NDST4: variants seen among roughly 807,000 people sequenced by gnomAD.
The protein encoded by NDST4 is N-deacetylase and N-sulfotransferase 4.
A neutral mutation model predicts 100.8 loss-of-function variants in NDST4; 63 were observed. The observed-to-expected ratio is 0.62, with a 90% CI of 0.51 to 0.77. The LOEUF (loss-of-function observed/expected upper bound fraction) is 0.77. Ranked by LOEUF, NDST4 falls within the 30% of genes least tolerant of loss-of-function variation. NDST4 has a pLI of 0.00. For missense variants in NDST4, 943 were observed against 1,018.4 expected (o/e 0.93, Z 1.01); for synonymous variants, 377 against 361.8 (o/e 1.04, Z -0.48).
intron 1 of NDST4, among the ~76,000 whole-genome samples, chr4:115,103,119 G>T (rs143192287): frequency 6.6e-6 from 1 of 152,042 alleles, no homozygotes; most frequent in Non-Finnish European, 1.5e-5. Flanking sequence ...TTACAGAAAG[G>T]TCTAGCAAGA....
intron 2 of NDST4, among the ~76,000 whole-genome samples, chr4:114,979,363 C>A (rs938719730): frequency 6.7e-6 from 1 of 150,054 alleles, no homozygotes; most frequent in Non-Finnish European, 1.5e-5. Flanking sequence ...CTCCATCAAA[C>A]CTTATTCATT....
intron 6 of NDST4, among the ~76,000 whole-genome samples, chr4:114,886,629 G>A (rs1165902138): frequency 6.6e-6 from 1 of 152,020 alleles, no homozygotes; most frequent in East Asian, 1.9e-4. Context: ...AAAAAGTTCT[G>A]TTTACAGTTT....
chr4:115,011,821 TG>T (rs1179846386), intron 2 of NDST4, among the ~76,000 whole-genome samples: 3 of 151,984 alleles, frequency 2.0e-5, no homozygotes, highest in Non-Finnish European at 4.4e-5. Flanking sequence ...GCATATTTAT[TG>T]TACAATAGTT....
rs934297032 is a variant in NDST4 at position 115,085,073 on chromosome 4, G to A, written c.-246-7791C>T. 2.0e-5 allele frequency among the ~76,000 whole-genome samples: 3 copies of A among 152,208 alleles called. No individual in the cohort carries two copies. In the South Asian group the frequency reaches 6.2e-4, roughly 31 times the overall value. ...CAGGGGTGGAGCTCCCCAAGGCCAT[G>A]GGAGCCCACCTCTTGCGTCAGCATG... On this transcript the variant is annotated intron_variant, in intron 1 of 13. Coordinates refer to ENST00000264363, the MANE Select transcript of NDST4 (RefSeq NM_022569.3).
intron 6 of NDST4, among the ~76,000 whole-genome samples, chr4:114,899,450 T>G (rs1330698376): frequency 6.6e-6 from 1 of 152,154 alleles, no homozygotes; most frequent in Non-Finnish European, 1.5e-5. Context: ...ATGCTGGGAT[T>G]ACAAGCGTGA....
At position 114,839,480 on chromosome 4, in the gene NDST4, A is replaced by T. The variant is rs762985652; in HGVS notation, c.2184T>A (p.His728Gln). ...AAGTTTTTAAGTCAGATGGAGCCCAATGTCCTGTTGAAATAACTTCATAGA... is the reference window on the plus strand; with the variant it reads ...AAGTTTTTAAGTCAGATGGAGCCCATTGTCCTGTTGAAATAACTTCATAGA... ...FNFYEVISTG[H>Q]WAPSDLKTLQ... Residue 728 changes from histidine (H) to glutamine (Q), a missense_variant, in exon 11 of 14, where the codon CAT becomes CAA. His to Gln is a conservative substitution (Grantham distance 24, BLOSUM62 0). Coordinates refer to ENST00000264363, the MANE Select transcript of NDST4 (RefSeq NM_022569.3). 1.2e-6 allele frequency: 2 copies of T among 1,614,022 alleles called. No homozygotes were observed. Among genetic ancestry groups the T allele is most frequent in the Non-Finnish European group, 1.7e-6 (2 of 1,179,940 alleles).
At chr4:115,091,945 A>G (rs1314875515) in intron 1 of NDST4, among the ~76,000 whole-genome samples, 2 of 152,116 alleles carry the variant, frequency 1.3e-5, no homozygotes, top group Admixed American at 1.3e-4. Context: ...AAATAACACT[A>G]TAATATAAGA....
At chr4:114,849,111 CAA>C (rs1202759036) in intron 8 of NDST4, among the ~76,000 whole-genome samples, 1 of 152,190 alleles carries the variant, frequency 6.6e-6, no homozygotes, top group Non-Finnish European at 1.5e-5. Context: ...CAAAATATGA[CAA>C]GTCTGATAAT....
In NDST4 at chr4:114,916,576, GTGTGTGTT is replaced by G. The variant is rs1354510486; in HGVS notation, c.1536+18622_1536+18629del. On this transcript the variant is annotated intron_variant, in intron 6 of 13. Transcript: ENST00000264363. ...TGTGTGTGTGTGTGTGTGTGTGTGT[GTGTGTGTT>G]TGTGTGTATGTGTGTGTGTGTGGCA... Among the ~76,000 whole-genome samples, 12 of 136,668 alleles carry G rather than the reference GTGTGTGTT, an allele frequency of 8.8e-5. No individual in the cohort carries two copies. In the South Asian group the frequency reaches 1.3e-3, roughly 15 times the overall value. The allele number at this position is 136,668 out of a possible 152,430, so 89.7% of individuals were successfully genotyped here. A position where few individuals can be genotyped will look rare whatever the true frequency, so the allele number is the denominator to read the frequency against.
chr4:115,101,226 G>A (rs1347216536), intron 1 of NDST4, among the ~76,000 whole-genome samples: 3 of 152,134 alleles, frequency 2.0e-5, no homozygotes, highest in African/African-American at 7.2e-5. Context: ...GGCATGATAA[G>A]TGTAATAGTG....
intron 1 of NDST4, among the ~76,000 whole-genome samples, chr4:115,078,922 TAA>T (rs1353348132): frequency 6.6e-6 from 1 of 151,914 alleles, no homozygotes; most frequent in Non-Finnish European, 1.5e-5. Flanking sequence ...AGAAATGACC[TAA>T]AGTCAGAACT....
intron 2 of NDST4, among the ~76,000 whole-genome samples, chr4:115,042,281 T>A (rs1308102030): frequency 6.6e-6 from 1 of 152,122 alleles, no homozygotes; most frequent in Non-Finnish European, 1.5e-5. Flanking sequence ...TGGCCATCAA[T>A]GTCATCAGCT....
At chr4:114,844,830 T>A (rs1361988425) in intron 10 of NDST4, among the ~76,000 whole-genome samples, 1 of 152,202 alleles carries the variant, frequency 6.6e-6, no homozygotes, top group Non-Finnish European at 1.5e-5. Context: ...TCCTAAACAT[T>A]TGTCCATCCT....
chr4:115,033,155 A>ATTTT (rs1293503455), intron 2 of NDST4, among the ~76,000 whole-genome samples: 58 of 27,582 alleles, frequency 2.1e-3, no homozygotes, highest in African/African-American at 8.2e-3. Flanking sequence ...ATATATATAT[A>ATTTT]TATTTTTTTT....
At chr4:115,018,918 A>G (rs1301154183) in intron 2 of NDST4, among the ~76,000 whole-genome samples, 5 of 152,046 alleles carry the variant, frequency 3.3e-5, no homozygotes, top group African/African-American at 1.2e-4. Context: ...ATTGCAAAAT[A>G]TAATTTTCTT....
intron 1 of NDST4, among the ~76,000 whole-genome samples, chr4:115,089,050 A>G (rs1729461653): frequency 6.6e-6 from 1 of 152,040 alleles, no homozygotes; most frequent in African/African-American, 2.4e-5. Flanking sequence ...CTGCTATTTA[A>G]TGCACAAAAC....
chr4:114,867,539 G>A (rs1192618511), intron 7 of NDST4, among the ~76,000 whole-genome samples: 3 of 151,016 alleles, frequency 2.0e-5, no homozygotes, highest in African/African-American at 7.3e-5. Context: ...CTGGAACTGA[G>A]CTAAGCTGAC....
intron 1 of NDST4, among the ~76,000 whole-genome samples, chr4:115,113,010 A>G (rs1466900298): frequency 1.3e-5 from 2 of 151,940 alleles, no homozygotes; most frequent in East Asian, 1.9e-4. Flanking sequence ...AGGAGTTCCC[A>G]TCTTCGGTAA....
chr4:115,016,005 A>T (rs1286316717), intron 2 of NDST4, among the ~76,000 whole-genome samples: 1 of 152,014 alleles, frequency 6.6e-6, no homozygotes, highest in Non-Finnish European at 1.5e-5. Context: ...CTGGATATGG[A>T]TTTGCCTTCC....
Sources: allele counts gnomAD v4.1 joint callset (sites outside exome capture counted in the v4.1 genomes callset), GRCh38; gene constraint gnomAD v4.1.1; transcripts MANE v1.5; gene names NCBI Gene and HGNC (gene_info 2026-07-23, HGNC 2026-07-21).